The following PCDH9 variants were observed in gnomAD, a reference collection of about 807,000 sequenced individuals.
PCDH9 encodes the protein protocadherin-9.
In PCDH9, 24 loss-of-function variants were observed where a neutral mutation model predicts 70.6. The observed-to-expected ratio is 0.34, with a 90% CI of 0.25 to 0.48. The LOEUF is 0.48. Ranked by LOEUF, PCDH9 falls within the 20% of genes least tolerant of loss-of-function variation. The pLI, the probability that PCDH9 is intolerant of heterozygous loss-of-function variation, is 0.99. For synonymous variants in PCDH9, 562 were observed against 558.5 expected, an observed-to-expected ratio of 1.01 and a Z score of -0.09; for missense variants, 1,281 against 1,503.6, an observed-to-expected ratio of 0.85 and a Z score of 2.45.
At chr13:66,733,189 A>T (rs1165487426) in intron 3 of PCDH9, among the ~76,000 whole-genome samples, 1 of 152,080 alleles carries the variant, frequency 6.6e-6, no homozygotes, top group African/African-American at 2.4e-5. Flanking sequence ...TTATAAACTT[A>T]GTCATTAGGG....
chr13:66,555,687 T>C (rs1001802318), intron 4 of PCDH9, among the ~76,000 whole-genome samples: 1 of 151,756 alleles, frequency 6.6e-6, no homozygotes, highest in Non-Finnish European at 1.5e-5. Context: ...AGACAATATA[T>C]GAGCTGAATG....
chr13:66,858,445 G>C (rs9571679), intron 3 of PCDH9, among the ~76,000 whole-genome samples: 42,127 of 151,876 alleles, frequency 0.28, 6,516 homozygotes, highest in Admixed American at 0.35. Context: ...AATCCATCTT[G>C]TGCCATGTCC....
intron 2 of PCDH9, among the ~76,000 whole-genome samples, chr13:66,957,753 A>G (rs986500792): frequency 4.6e-5 from 7 of 152,068 alleles, no homozygotes; most frequent in Admixed American, 2.0e-4. Context: ...GCAAGCTAGG[A>G]AGGCAGTCCT....
At chr13:66,733,828 T>A (rs535809963) in intron 3 of PCDH9, among the ~76,000 whole-genome samples, 3 of 152,288 alleles carry the variant, frequency 2.0e-5, no homozygotes, top group African/African-American at 7.2e-5. Flanking sequence ...TTTTGTTACT[T>A]TGCTAGTCAC....
intron 2 of PCDH9, among the ~76,000 whole-genome samples, chr13:67,139,918 T>A (rs2087331103): frequency 6.6e-6 from 1 of 152,150 alleles, no homozygotes; most frequent in Admixed American, 6.6e-5. Flanking sequence ...TGCTTGCAAT[T>A]ATTTTTGTGA....
intron 2 of PCDH9, among the ~76,000 whole-genome samples, chr13:66,992,627 G>T (rs1436082995): frequency 1.3e-5 from 2 of 151,992 alleles, no homozygotes; most frequent in Non-Finnish European, 2.9e-5. Flanking sequence ...AATTGTAATG[G>T]TTGGTTATAT....
At chr13:66,713,591 T>C (rs540661508) in intron 3 of PCDH9, among the ~76,000 whole-genome samples, 173 of 140,696 alleles carry the variant, frequency 1.2e-3, no homozygotes, top group Non-Finnish European at 2.1e-3. Context: ...ATATAAATTG[T>C]GTTTGTGTAT....
intron 4 of PCDH9, among the ~76,000 whole-genome samples, chr13:66,514,065 G>T (rs1959615604): frequency 6.6e-6 from 1 of 152,080 alleles, no homozygotes; most frequent in South Asian, 2.1e-4. Context: ...AAAATAAGTA[G>T]CTTGTAATGA....
rs75806352 is a variant in PCDH9, at chr13:66,634,059, G to A, written c.3139-2648C>T. On this transcript the variant is annotated intron_variant, in intron 3 of 4. Coordinates refer to ENST00000377865, the MANE Select transcript of PCDH9 (RefSeq NM_203487.3). ...ACATACACTACACTATTTTTCTTTA[G>A]CACTTTATAAGTGAGAATAAGAAAA... Among the ~76,000 whole-genome samples, 639 of 152,158 alleles carry A rather than the reference G, an allele frequency of 4.2e-3. 20 individuals are homozygous for A. The East Asian group carries it at 0.081, about 19-fold the overall frequency.
chr13:66,846,429 AT>A (rs1333071533), intron 3 of PCDH9, among the ~76,000 whole-genome samples: 1 of 152,256 alleles, frequency 6.6e-6, no homozygotes, highest in South Asian at 2.1e-4. Flanking sequence ...TGTTGACCAG[AT>A]GTTTTTTTAG....
intron 2 of PCDH9, among the ~76,000 whole-genome samples, chr13:67,003,206 C>T (rs954830688): frequency 3.9e-5 from 6 of 151,994 alleles, no homozygotes; most frequent in East Asian, 3.9e-4. Flanking sequence ...TTTAGAAATT[C>T]ATTGTACAGA....
chr13:66,404,244 T>C (rs931763729), intron 4 of PCDH9, among the ~76,000 whole-genome samples: 1 of 152,198 alleles, frequency 6.6e-6, no homozygotes, highest in African/African-American at 2.4e-5. Context: ...TGCTTGTTTA[T>C]GTGTAAGTGA....
chr13:66,571,158 C>T lies in PCDH9; in HGVS notation c.3340+60052G>A, dbSNP rs577966107. ...GCCTAATAACATTTTAATTTTGTTT[C>T]CTATGAGAGAATATTTATTGTTACA... On this transcript the variant is annotated intron_variant, in intron 4 of 4. Transcript: ENST00000377865. 1.0e-3 allele frequency among the ~76,000 whole-genome samples: 156 copies of T among 151,964 alleles called. 1 individual carries two copies. The highest frequency in any genetic ancestry group is 3.7e-3 in the African/African-American group (152 of 41,488).
rs1192990391 is a variant in PCDH9, at chr13:66,303,122, TG to T, written c.*1532del. The stretch of plus-strand genomic sequence containing the variant: ...TTTTTTAAATTTTTTGTTTTTTTTT[TG>T]TTTTTTTTACTTTTAAATTGATGGT... On this transcript the variant is annotated 3_prime_UTR_variant, in exon 5 of 5. Coordinates refer to ENST00000377865, the MANE Select transcript of PCDH9 (RefSeq NM_203487.3). The T allele has an allele frequency of 2.6e-5, 4 of 152,312 alleles. No individual in the cohort carries two copies. The highest frequency in any genetic ancestry group is 5.9e-5 in the Non-Finnish European group (4 of 67,932). The allele number at this position is 152,312 out of a possible 1,614,324, so 9.4% of individuals were successfully genotyped here.
At chr13:66,627,172 C>T (rs556173167) in intron 4 of PCDH9, among the ~76,000 whole-genome samples, 60 of 152,066 alleles carry the variant, frequency 3.9e-4, no homozygotes, top group Non-Finnish European at 8.4e-4. Context: ...TAGATAAGTA[C>T]AATCGAAATT....
chr13:66,768,074 C>T (rs922320164), intron 3 of PCDH9, among the ~76,000 whole-genome samples: 3 of 151,556 alleles, frequency 2.0e-5, no homozygotes, highest in Non-Finnish European at 2.9e-5. Context: ...TCTAAATGCT[C>T]TCAGCCAAAA....
At chr13:66,763,622 G>A (rs1275041992) in intron 3 of PCDH9, among the ~76,000 whole-genome samples, 2 of 151,980 alleles carry the variant, frequency 1.3e-5, no homozygotes, top group Non-Finnish European at 2.9e-5. Context: ...TTTACAAAAA[G>A]TGCAACATTT....
chr13:66,586,288 A>T (rs994626684), intron 4 of PCDH9, among the ~76,000 whole-genome samples: 1 of 151,394 alleles, frequency 6.6e-6, no homozygotes, highest in Non-Finnish European at 1.5e-5. Flanking sequence ...GCACACATAG[A>T]GAGAGAGATA....
At chr13:66,960,004 C>G (rs1028306489) in intron 2 of PCDH9, among the ~76,000 whole-genome samples, 5 of 152,062 alleles carry the variant, frequency 3.3e-5, no homozygotes, top group Non-Finnish European at 7.4e-5. Context: ...AATCAGAATA[C>G]TTATTAGGGA....
Sources: allele counts gnomAD v4.1 joint callset (sites outside exome capture counted in the v4.1 genomes callset), GRCh38; gene constraint gnomAD v4.1.1; transcripts MANE v1.5; gene names NCBI Gene and HGNC (gene_info 2026-07-23, HGNC 2026-07-21).